Variants in PLEKHH2 observed in about 807,000 individuals in gnomAD.
PLEKHH2 encodes the protein pleckstrin homology domain-containing family H member 2.
Under a neutral mutation model 187.9 loss-of-function variants are expected in PLEKHH2, and 129 were observed. The ratio of observed to expected loss-of-function variants is 0.69; its 90% CI spans 0.59 to 0.79. The LOEUF (loss-of-function observed/expected upper bound fraction) is 0.79, where lower values mean the gene tolerates loss of function less well. Among genes scored for constraint, PLEKHH2 ranks in the 30% least tolerant of loss-of-function variants. The pLI, the probability that PLEKHH2 is intolerant of heterozygous loss-of-function variation, is 0.00. For missense variants in PLEKHH2, 2,076 were observed against 1,751.2 expected (o/e 1.19, Z -3.31); for synonymous variants, 686 against 605.6 (o/e 1.13, Z -1.95).
At chr2:43,681,500 G>A (rs1482714816) in intron 3 of PLEKHH2, 8 of 1,541,470 alleles carry the variant, frequency 5.2e-6, no homozygotes, top group African/African-American at 2.7e-5. Context: ...GGGCATCAAC[G>A]TTATCTTTGT....
At chr2:43,706,526 CT>C (rs1669665483) in intron 10 of PLEKHH2, 110 bp downstream of exon 10, 7 of 785,702 alleles carry the variant, frequency 8.9e-6, no homozygotes, top group African/African-American at 5.2e-5. Context: ...CAGGCTCTCC[CT>C]TTATAGAAAG....
chr2:43,689,156 C>T (rs190667967), intron 3 of PLEKHH2, among the ~76,000 whole-genome samples: 2 of 152,322 alleles, frequency 1.3e-5, no homozygotes, highest in Non-Finnish European at 2.9e-5. Context: ...AGTGAAGGAC[C>T]AGTCCTTTCT....
chr2:43,761,663 G>A (rs969181603), intron 27 of PLEKHH2, among the ~76,000 whole-genome samples: 12 of 151,864 alleles, frequency 7.9e-5, no homozygotes, highest in Non-Finnish European at 1.3e-4. Flanking sequence ...CACCCACCTC[G>A]GCTTCCCAAG....
rs141379422 is a variant in PLEKHH2 at position 43,714,319 on chromosome 2, A to T, written c.2460+1936A>T. ...TTTCACAATTGCATTTTAAATGAGTATGAGTCGATGGGATTCTCAGATGAC... is the reference window on the plus strand; with the variant it reads ...TTTCACAATTGCATTTTAAATGAGTTTGAGTCGATGGGATTCTCAGATGAC... On this transcript the variant is annotated intron_variant, in intron 15 of 29. Coordinates refer to ENST00000282406, the MANE Select transcript of PLEKHH2 (RefSeq NM_172069.4). 5.1e-3 allele frequency among the ~76,000 whole-genome samples: 772 copies of T among 152,278 alleles called. 4 individuals carry two copies. The highest frequency in any genetic ancestry group is 0.018 in the African/African-American group (748 of 41,558).
intron 2 of PLEKHH2, among the ~76,000 whole-genome samples, chr2:43,645,865 C>A (rs879663231): frequency 3.9e-5 from 6 of 152,070 alleles, no homozygotes; most frequent in Non-Finnish European, 5.9e-5. Context: ...GTTTCTGAAA[C>A]ACTAATCTGC....
chr2:43,676,548 C>T lies in PLEKHH2; in HGVS notation c.124-2315C>T, dbSNP rs557232530. Among the ~76,000 whole-genome samples, 50 of 152,074 alleles carry T rather than the reference C, an allele frequency of 3.3e-4. 1 individual carries two copies. The highest frequency in any genetic ancestry group is 1.1e-3 in the African/African-American group (46 of 41,464). ...GGTGAGAGGTATACCAGGAGTTCTG[C>T]ACGCCTGGCCTTCCAACCAGCAATA... On this transcript the variant is annotated intron_variant, in intron 2 of 29. Transcript: ENST00000282406.
intron 24 of PLEKHH2, among the ~76,000 whole-genome samples, chr2:43,751,281 A>G (rs1671999509): frequency 6.6e-6 from 1 of 152,228 alleles, no homozygotes; most frequent in African/African-American, 2.4e-5. Flanking sequence ...GATGACTGGA[A>G]GTTGGACGCC....
chr2:43,648,180 T>TTTTG (rs927200488), intron 2 of PLEKHH2, among the ~76,000 whole-genome samples: 10 of 152,086 alleles, frequency 6.6e-5, no homozygotes, highest in East Asian at 1.9e-4. Context: ...TTCTGGTTTT[T>TTTTG]TTTGTTTGTT....
intron 6 of PLEKHH2, 100 bp from the exon 7 acceptor site, chr2:43,697,071 C>A: frequency 1.0e-6 from 1 of 962,150 alleles, no homozygotes; most frequent in Non-Finnish European, 1.5e-6. Context: ...TTTTTTCTGG[C>A]ATAAAGAGTG....
intron 19 of PLEKHH2, among the ~76,000 whole-genome samples, chr2:43,734,263 G>T (rs1671185712): frequency 6.6e-6 from 1 of 152,108 alleles, no homozygotes; most frequent in Non-Finnish European, 1.5e-5. Context: ...GCAATCCTCA[G>T]TCATTATATC....
chr2:43,702,844 G>A (rs4952676), intron 8 of PLEKHH2, among the ~76,000 whole-genome samples: 89,712 of 151,888 alleles, frequency 0.59, 27,900 homozygotes, highest in African/African-American at 0.78. Flanking sequence ...CAGTACCTCC[G>A]ATAGAAACAA....
chr2:43,677,344 G>A (rs1203522127), intron 2 of PLEKHH2, among the ~76,000 whole-genome samples: 2 of 152,174 alleles, frequency 1.3e-5, no homozygotes, highest in East Asian at 3.9e-4. Context: ...AGGACCCTTC[G>A]GCCCTCTGCA....
chr2:43,699,829 G>C lies in PLEKHH2; in HGVS notation c.871G>C (p.Glu291Gln). The change falls in exon 8 of 30, where the codon GAA becomes CAA. Residue 291 changes from glutamate (E) to glutamine (Q), a missense_variant. By Grantham distance (29) the Glu-to-Gln change is conservative (BLOSUM62 2). Transcript: ENST00000282406. The part of the protein sequence containing the change: ...APVSDWSSDE[E>Q]DGSKGRSKSR... ...TGTGAGTGACTGGAGCTCTGATGAG[G>C]AAGACGGGAGCAAAGGAAGATCCAA... is the stretch of plus-strand genomic sequence containing the variant. 6.2e-7 allele frequency: 1 copy of C among 1,611,842 alleles called. No homozygotes were observed. The highest frequency in any genetic ancestry group is 8.5e-7 in the Non-Finnish European group (1 of 1,177,958).
At chr2:43,756,196 T>C (rs17031400) in intron 25 of PLEKHH2, among the ~76,000 whole-genome samples, 2,100 of 152,196 alleles carry the variant, frequency 0.014, 62 homozygotes, top group African/African-American at 0.046. Flanking sequence ...CACAATAACA[T>C]GGAGAAAATC....
intron 15 of PLEKHH2, among the ~76,000 whole-genome samples, chr2:43,716,558 A>G (rs1285971617): frequency 2.6e-5 from 4 of 152,330 alleles, no homozygotes; most frequent in East Asian, 3.9e-4. Flanking sequence ...TTTCTCTAAC[A>G]TCTTCAGATG....
At chr2:43,694,333 T>A (rs1304594793) in intron 4 of PLEKHH2, 98 bp from the exon 5 acceptor site, 4 of 1,320,462 alleles carry the variant, frequency 3.0e-6, no homozygotes, top group East Asian at 5.7e-5. Flanking sequence ...TAACTTGGAA[T>A]CAAGTTTTAA....
intron 3 of PLEKHH2, among the ~76,000 whole-genome samples, chr2:43,687,484 G>A (rs567312468): frequency 2.0e-5 from 3 of 152,128 alleles, no homozygotes; most frequent in African/African-American, 4.8e-5. Flanking sequence ...TTGGTAGAAC[G>A]ATTTATTTTC....
chr2:43,706,945 C>A (rs567854750), intron 10 of PLEKHH2, among the ~76,000 whole-genome samples: 1 of 152,160 alleles, frequency 6.6e-6, no homozygotes, highest in African/African-American at 2.4e-5. Context: ...CGCCTGTAAT[C>A]CCAGCACTTT....
intron 2 of PLEKHH2, among the ~76,000 whole-genome samples, chr2:43,676,666 C>T (rs1667813993): frequency 6.6e-6 from 1 of 152,160 alleles, no homozygotes; most frequent in Non-Finnish European, 1.5e-5. Flanking sequence ...AGTTTTACCT[C>T]ACGATTTGTG....
Sources: allele counts gnomAD v4.1 joint callset (sites outside exome capture counted in the v4.1 genomes callset), GRCh38; gene constraint gnomAD v4.1.1; transcripts MANE v1.5; gene names NCBI Gene and HGNC (gene_info 2026-07-23, HGNC 2026-07-21).